FCHSD2: variants seen among roughly 807,000 people sequenced by gnomAD.
FCHSD2 encodes F-BAR and double SH3 domains protein 2.
A neutral mutation model predicts 108.1 loss-of-function variants in FCHSD2; 38 were observed. That is an observed-to-expected ratio of 0.35 (90% CI 0.27 to 0.46). The LOEUF (loss-of-function observed/expected upper bound fraction) is 0.46. FCHSD2 is among the 20% of genes least tolerant of loss of function. FCHSD2 has a pLI of 1.00. For synonymous variants in FCHSD2, 279 were observed against 314.7 expected, an observed-to-expected ratio of 0.89 and a Z score of 1.20; for missense variants, 751 against 897.8, an observed-to-expected ratio of 0.84 and a Z score of 2.09.
chr11:73,059,953 T>C (rs948006418), intron 3 of FCHSD2, among the ~76,000 whole-genome samples: 4 of 152,242 alleles, frequency 2.6e-5, no homozygotes, highest in African/African-American at 9.6e-5. Context: ...CTTGTTTACA[T>C]GGTCATCAGT....
chr11:72,925,692 G>A (rs539883238), intron 8 of FCHSD2, among the ~76,000 whole-genome samples: 4 of 152,290 alleles, frequency 2.6e-5, no homozygotes, highest in Admixed American at 6.5e-5. Flanking sequence ...CACGATTATC[G>A]AAATGGCTGC....
chr11:72,902,806 G>A (rs1259412986), intron 9 of FCHSD2, among the ~76,000 whole-genome samples, 168 bp from the exon 10 acceptor site: 3 of 152,114 alleles, frequency 2.0e-5, no homozygotes, highest in African/African-American at 7.2e-5. Flanking sequence ...TTAGACAATG[G>A]TTATTATTTA....
intron 2 of FCHSD2, among the ~76,000 whole-genome samples, chr11:73,109,806 CCATT>C: frequency 6.6e-6 from 1 of 152,212 alleles, no homozygotes; most frequent in South Asian, 2.1e-4. Context: ...TCAGTCTTCC[CCATT>C]CAGTGTGATA....
intron 3 of FCHSD2, among the ~76,000 whole-genome samples, chr11:73,054,509 G>C (rs1451759722): frequency 6.6e-6 from 1 of 151,870 alleles, no homozygotes; most frequent in African/African-American, 2.4e-5. Flanking sequence ...GATTTAAAAA[G>C]AATCGAAGTA....
chr11:73,059,507 A>C (rs1260696595), intron 3 of FCHSD2, among the ~76,000 whole-genome samples: 1 of 152,156 alleles, frequency 6.6e-6, no homozygotes, highest in African/African-American at 2.4e-5. Context: ...AAAAACGAGG[A>C]ATGCTCCCTA....
chr11:73,066,429 T>C (rs1441155044), intron 3 of FCHSD2, among the ~76,000 whole-genome samples: 2 of 152,116 alleles, frequency 1.3e-5, no homozygotes, highest in Non-Finnish European at 2.9e-5. Context: ...ATTCAGGACA[T>C]AGGCATGGGC....
At chr11:73,140,517 G>T in intron 1 of FCHSD2, among the ~76,000 whole-genome samples, 1 of 152,162 alleles carries the variant, frequency 6.6e-6, no homozygotes, top group Non-Finnish European at 1.5e-5. Flanking sequence ...GTGTGGATGG[G>T]GGCTGGGAGC....
intron 8 of FCHSD2, among the ~76,000 whole-genome samples, chr11:72,963,954 T>C (rs1027443178): frequency 6.6e-6 from 1 of 152,176 alleles, no homozygotes; most frequent in Non-Finnish European, 1.5e-5. Flanking sequence ...CAATGGCTAA[T>C]TAATAGATGG....
At chr11:73,015,610 T>C (rs1235342933) in intron 4 of FCHSD2, among the ~76,000 whole-genome samples, 199 bp downstream of exon 4, 1 of 152,154 alleles carries the variant, frequency 6.6e-6, no homozygotes, top group African/African-American at 2.4e-5. Context: ...AAATGATCTA[T>C]TTTATATAGA....
chr11:73,084,382 C>CCTTTT (rs1198385613), intron 2 of FCHSD2, among the ~76,000 whole-genome samples: 2 of 151,856 alleles, frequency 1.3e-5, no homozygotes, highest in Non-Finnish European at 2.9e-5. Context: ...TAAGGTATAC[C>CCTTTT]CTTTTCTTTT....
At chr11:72,997,714 GT>G (rs1303441720) in intron 5 of FCHSD2, among the ~76,000 whole-genome samples, 1 of 152,100 alleles carries the variant, frequency 6.6e-6, no homozygotes, top group African/African-American at 2.4e-5. Flanking sequence ...TCTTTGTTTT[GT>G]TTTGAGAAAG....
chr11:72,952,623 C>T (rs186800750), intron 8 of FCHSD2, among the ~76,000 whole-genome samples: 16 of 152,086 alleles, frequency 1.1e-4, no homozygotes, highest in African/African-American at 2.4e-4. Flanking sequence ...CCATGCCTGG[C>T]CTATAGTTAA....
At chr11:72,893,862 C>T (rs1855368302) in intron 10 of FCHSD2, among the ~76,000 whole-genome samples, 1 of 152,002 alleles carries the variant, frequency 6.6e-6, no homozygotes, top group African/African-American at 2.4e-5. Context: ...ATCAGCATTC[C>T]AATATTCTTG....
At chr11:72,946,703 C>A (rs111873122) in intron 8 of FCHSD2, among the ~76,000 whole-genome samples, 2 of 152,194 alleles carry the variant, frequency 1.3e-5, no homozygotes, top group African/African-American at 4.8e-5. Flanking sequence ...GTAATAGCTA[C>A]CATTTACAGA....
intron 2 of FCHSD2, among the ~76,000 whole-genome samples, chr11:73,089,258 T>C (rs777175968): frequency 2.0e-5 from 3 of 152,248 alleles, no homozygotes; most frequent in Middle Eastern, 3.4e-3. Context: ...ATGATATTAA[T>C]GGATGCTATA....
At chr11:72,965,414 G>A (rs1271451181) in intron 8 of FCHSD2, among the ~76,000 whole-genome samples, 3 of 152,154 alleles carry the variant, frequency 2.0e-5, no homozygotes, top group African/African-American at 7.2e-5. Flanking sequence ...TCCTTTCAAT[G>A]CCTTACATTC....
intron 3 of FCHSD2, among the ~76,000 whole-genome samples, chr11:73,041,392 T>G (rs991325640): frequency 1.3e-5 from 2 of 152,166 alleles, no homozygotes; most frequent in Non-Finnish European, 1.5e-5. Flanking sequence ...CCAACAGTTT[T>G]TTGTTGTTGT....
At chr11:72,987,215 C>T (rs1468365386) in intron 6 of FCHSD2, among the ~76,000 whole-genome samples, 1 of 152,160 alleles carries the variant, frequency 6.6e-6, no homozygotes, top group Non-Finnish European at 1.5e-5. Flanking sequence ...AGTTTAACTT[C>T]CCCTTCCTGA....
intron 5 of FCHSD2, among the ~76,000 whole-genome samples, chr11:72,990,954 T>TA (rs1352461099): frequency 6.6e-6 from 1 of 151,956 alleles, no homozygotes; most frequent in African/African-American, 2.4e-5. Flanking sequence ...ACAAAATTGA[T>TA]AGACTACTAG....
Sources: gnomAD v4.1 joint callset for allele counts (sites outside exome capture counted in the v4.1 genomes callset) on GRCh38, gnomAD v4.1.1 for gene constraint, MANE v1.5 for transcripts, NCBI Gene and HGNC (gene_info 2026-07-23, HGNC 2026-07-21) for gene names.